Variants in ZNF397 observed in about 807,000 individuals in gnomAD.
ZNF397 encodes the protein zinc finger protein 397.
A neutral mutation model predicts 50.6 loss-of-function variants in ZNF397; 38 were observed. The ratio of observed to expected loss-of-function variants is 0.75; its 90% CI spans 0.58 to 0.98. The LOEUF (loss-of-function observed/expected upper bound fraction) is 0.98. Among genes scored for constraint, ZNF397 ranks in the 50% least tolerant of loss-of-function variants. The probability of loss-of-function intolerance (pLI) is 0.00; values close to 1 mark genes in which losing one functional copy is unlikely to be tolerated. For missense variants in ZNF397, 624 were observed against 624.1 expected (o/e 1.00, Z 0.00); for synonymous variants, 228 against 215.2 (o/e 1.06, Z -0.52).
chr18:35,245,157 C>T, intron 3 of ZNF397, 105 bp from the exon 4 acceptor site: 1 of 1,393,860 alleles, frequency 7.2e-7, no homozygotes, highest in South Asian at 1.6e-5. Context: ...TACTGGAGGA[C>T]AGTGACATCT....
At chr18:35,241,477 T>C in intron 1 of ZNF397, 1 of 152,228 alleles carries the variant, frequency 6.6e-6, no homozygotes, top group East Asian at 1.9e-4. Context: ...TACTCATCTG[T>C]CCTGACAAAC....
At chr18:35,243,335 C>T (rs1424231545) in intron 3 of ZNF397, 42 bp downstream of exon 3, 2 of 1,613,886 alleles carry the variant, frequency 1.2e-6, no homozygotes, top group Non-Finnish European at 1.7e-6. Context: ...GACACTTAGG[C>T]CTCTGTTTTT....
In ZNF397 at chr18:35,242,486, G is replaced by A. The variant is rs771263320; in HGVS notation, c.16G>A (p.Gly6Arg). The A allele has an allele frequency of 1.9e-6, 3 of 1,612,710 alleles. No individual in the cohort carries two copies. The highest frequency in any genetic ancestry group is 1.7e-6 in the Non-Finnish European group (2 of 1,179,112). Residue 6 changes from glycine to arginine, a missense_variant, in exon 2 of 4, where the codon GGA becomes AGA. Gly to Arg is a moderately radical substitution (Grantham distance 125). Transcript: ENST00000330501. Reference sequence around the variant, plus strand: ...TCAGCCAAGAATGGCTGTGGAATCTGGAGTGATTTCAACCCTGATACCTCA... The same window carrying A: ...TCAGCCAAGAATGGCTGTGGAATCTAGAGTGATTTCAACCCTGATACCTCA... MAVES[G>R]VISTLIPQDP... is the part of the protein sequence containing the mutation.
rs960675756 is a variant in ZNF397 at position 35,246,361 on chromosome 18, G to T, written c.*51G>T. On this transcript the variant is annotated 3_prime_UTR_variant, in exon 4 of 4. Transcript: ENST00000330501. ...ATACTTCAGTCAGATTTTTAAGTTT[G>T]TTAGTCAAAAGAGTTTACTTTGGAG... 3 of 1,471,282 alleles carry T rather than the reference G, an allele frequency of 2.0e-6. No individual in the cohort carries two copies. The African/African-American group carries it at 4.3e-5, about 21-fold the overall frequency. 91.1% of individuals were successfully genotyped at this position (1,471,282 alleles called of 1,614,324 possible).
chr18:35,244,244 A>T (rs973347550), intron 3 of ZNF397: 3 of 154,310 alleles, frequency 1.9e-5, no homozygotes, highest in African/African-American at 7.2e-5. Context: ...GTTGAGGATG[A>T]TACTGAGGTT....
downstream of ZNF397, chr18:35,258,557 G>A (rs2043920221): frequency 6.5e-6 from 1 of 152,998 alleles, no homozygotes; most frequent in South Asian, 2.1e-4. Flanking sequence ...GGGATCAGAG[G>A]GAGTGAGAGG....
intron 3 of ZNF397, chr18:35,243,725 A>C: frequency 3.3e-6 from 1 of 303,468 alleles, no homozygotes; most frequent in Non-Finnish European, 6.2e-6. Context: ...AAGAAAATCT[A>C]AGCTAAGACT....
intron 1 of ZNF397, among the ~76,000 whole-genome samples, chr18:35,241,868 G>C (rs925203060): frequency 5.3e-5 from 8 of 152,212 alleles, no homozygotes; most frequent in African/African-American, 1.9e-4. Context: ...TGTTTAATGT[G>C]AACTTTTAAA....
At chr18:35,244,828 T>C (rs934522688) in intron 3 of ZNF397, among the ~76,000 whole-genome samples, 1 of 152,116 alleles carries the variant, frequency 6.6e-6, no homozygotes, top group Non-Finnish European at 1.5e-5. Flanking sequence ...ATACTTTCAC[T>C]TGAAAGGCTG....
chr18:35,254,142 T>C, downstream of ZNF397: 1 of 1,614,206 alleles, frequency 6.2e-7, no homozygotes, highest in Non-Finnish European at 8.5e-7. Flanking sequence ...GTGGGGATTC[T>C]TCTGTTGAAG....
At chr18:35,253,637 CT>C, downstream of ZNF397, 1 of 1,614,164 alleles carries the variant, frequency 6.2e-7, no homozygotes, top group Non-Finnish European at 8.5e-7. Context: ...AGTGTGAATT[CT>C]TTGATGTTCA....
At chr18:35,243,448 C>G (rs536345951) in intron 3 of ZNF397, 155 bp downstream of exon 3, 1 of 974,140 alleles carries the variant, frequency 1.0e-6, no homozygotes, top group Non-Finnish European at 1.6e-6. Context: ...GTATTCACCC[C>G]TCATGAATTG....
chr18:35,254,243 C>A (rs1598603008), downstream of ZNF397: 1 of 1,614,136 alleles, frequency 6.2e-7, no homozygotes, highest in Non-Finnish European at 8.5e-7. Context: ...GTTGTCCAGA[C>A]CTCCCAAAGC....
downstream of ZNF397, chr18:35,253,440 AC>A (rs1211728130): frequency 6.5e-7 from 1 of 1,547,738 alleles, no homozygotes; most frequent in Non-Finnish European, 8.7e-7. Context: ...TACAACTCTT[AC>A]CCACAGAGTT....
At chr18:35,243,692 G>C (rs1912707673) in intron 3 of ZNF397, 1 of 386,892 alleles carries the variant, frequency 2.6e-6, no homozygotes, top group Non-Finnish European at 4.7e-6. Context: ...AATCTTAGAG[G>C]ATCAAGGAAC....
At position 35,242,676 on chromosome 18, in the gene ZNF397, G is replaced by T; in HGVS notation, c.206G>T (p.Ser69Ile). The change falls in exon 2 of 4, where the codon AGC becomes ATC. Residue 69 changes from serine to isoleucine, a missense_variant. Coordinates refer to ENST00000330501, the MANE Select transcript of ZNF397 (RefSeq NM_001135178.3). Reference protein sequence around the residue: ...QETPGPREALSRLQELCYQWL... With the variant: ...QETPGPREALIRLQELCYQWL... ...ACACCTGGGCCCCGGGAGGCTCTGA[G>T]CCGACTCCAGGAACTTTGCTATCAG... 1 of 1,614,236 alleles carries T rather than the reference G, an allele frequency of 6.2e-7. No individual in the cohort carries two copies. The highest frequency in any genetic ancestry group is 1.1e-5 in the South Asian group (1 of 91,090).
chr18:35,246,181 G>A lies in ZNF397; in HGVS notation c.1476G>A (p.Arg492=). The A allele has an allele frequency of 6.4e-7, 1 of 1,551,934 alleles. No individual in the cohort carries two copies. Among genetic ancestry groups the A allele is most frequent in the Non-Finnish European group, 8.7e-7 (1 of 1,147,042 alleles). ...QCNECGKTFK[R]SSALVQHQRI... is the part of the protein sequence containing the mutation. ...ATGAATGTGGCAAAACTTTCAAAAGGAGCTCAGCCCTTGTTCAGCATCAGA... is the reference window on the plus strand; with the variant it reads ...ATGAATGTGGCAAAACTTTCAAAAGAAGCTCAGCCCTTGTTCAGCATCAGA... The change falls in exon 4 of 4, where the codon AGG becomes AGA. Residue 492 remains arginine, a synonymous_variant. Transcript: ENST00000330501.
chr18:35,255,109 A>G (rs2043753860), intron 5 of ZNF397: 1 of 151,840 alleles, frequency 6.6e-6, no homozygotes, highest in South Asian at 2.1e-4. Flanking sequence ...GTATCAAAGA[A>G]GGGGATGGAG....
At chr18:35,244,542 C>T (rs1371436249) in intron 3 of ZNF397, among the ~76,000 whole-genome samples, 1 of 152,116 alleles carries the variant, frequency 6.6e-6, no homozygotes, top group Non-Finnish European at 1.5e-5. Flanking sequence ...AAAACAGAAT[C>T]TGGAGGAACG....
Sources: gnomAD v4.1 joint callset for allele counts (sites outside exome capture counted in the v4.1 genomes callset) on GRCh38, gnomAD v4.1.1 for gene constraint, MANE v1.5 for transcripts, NCBI Gene and HGNC (gene_info 2026-07-23, HGNC 2026-07-21) for gene names.